Variants in TAF5L observed in about 807,000 individuals in gnomAD.
TAF5L encodes TAF5-like RNA polymerase II p300/CBP-associated factor-associated factor 65 kDa subunit 5L.
Under a neutral mutation model 51.3 loss-of-function variants are expected in TAF5L, and 7 were observed. The observed-to-expected ratio is 0.14, with a 90% CI of 0.08 to 0.26. TAF5L has a LOEUF of 0.26. Among genes scored for constraint, TAF5L ranks in the 10% least tolerant of loss-of-function variants. The pLI is 1.00. For synonymous variants in TAF5L, 291 were observed against 308.1 expected (o/e 0.94, Z 0.58); for missense variants, 575 against 758.9 (o/e 0.76, Z 2.85).
chr1:229,602,119 A>C lies in TAF5L; in HGVS notation c.972+76T>G. 1.3e-6 allele frequency: 2 copies of C among 1,548,464 alleles called. No individual in the cohort carries two copies. The highest frequency in any genetic ancestry group is 1.3e-5 in the South Asian group (1 of 78,272). On this transcript the variant is annotated intron_variant, in intron 4 of 4. Coordinates refer to ENST00000258281, the Ensembl canonical transcript of TAF5L. The surrounding 1 kb of genome is among the most constrained non-coding windows in gnomAD (Gnocchi z 4.6). ...GGGAAACTAGGAAGTCCATTCTAAG[A>C]TATGTCGTGTTTGGTAAGGACATTC...
rs115138807 is a variant in TAF5L at position 229,619,751 on chromosome 1, G to C, written c.-3-5266C>G. On this transcript the variant is annotated intron_variant, in intron 1 of 4. Coordinates refer to ENST00000258281, the Ensembl canonical transcript of TAF5L. ...GTCACTTTCCAGCACCACCCTTCAC[G>C]ATCTCTCAGCTGGATGTGATGCTGC... Among the ~76,000 whole-genome samples, 1,431 of 152,106 alleles carry C rather than the reference G, an allele frequency of 9.4e-3. 8 individuals carry two copies. The highest frequency in any genetic ancestry group is 0.014 in the Non-Finnish European group (935 of 67,996).
Position 229,606,168 on chromosome 1 carries a change from C to T in TAF5L, c.248-3249G>A, listed in dbSNP as rs79060902. On this transcript the variant is annotated intron_variant, in intron 3 of 4. Coordinates refer to ENST00000258281, the Ensembl canonical transcript of TAF5L. ...ATAGGTTCAAAATTGCTTAATTGCT[C>T]TCTCTTGTCTGAAGAGAACAGTATG... 1.6e-3 allele frequency: 1,599 copies of T among 985,402 alleles called. 17 individuals are homozygous for T. In the African/African-American group the frequency reaches 0.026, roughly 16 times the overall value. The allele number at this position is 985,402 out of a possible 1,614,324, so 61.0% of individuals were successfully genotyped here.
In TAF5L at chr1:229,600,574, C is replaced by T. The variant is rs1664334430; in HGVS notation, c.972+1621G>A. On this transcript the variant is annotated intron_variant, in intron 4 of 4. Transcript: ENST00000258281. ...ATCCATGTCTCCTTTGCCACTGCCA[C>T]TACCCTAGTTTGGCCGCCATAATTG... 3 of 985,396 alleles carry T rather than the reference C, an allele frequency of 3.0e-6. No individual in the cohort carries two copies. In the African/African-American group the frequency reaches 5.2e-5, roughly 17 times the overall value. The allele number at this position is 985,396 out of a possible 1,614,324, so 61.0% of individuals were successfully genotyped here.
intron 1 of TAF5L, among the ~76,000 whole-genome samples, chr1:229,624,187 G>A (rs1174999126): frequency 6.6e-6 from 1 of 152,210 alleles, no homozygotes; most frequent in Non-Finnish European, 1.5e-5. Context: ...GAGTAGTTAA[G>A]TGAGGCCTTT....
At position 229,614,538 on chromosome 1, in the gene TAF5L, A is replaced by C. The variant is rs143211810; in HGVS notation, c.-3-53T>G. 8.1e-5 allele frequency: 129 copies of C among 1,598,724 alleles called. No homozygotes were observed. In the African/African-American group the frequency reaches 1.4e-3, roughly 18 times the overall value. Reference sequence around the variant, plus strand: ...GAGACATCAGGGGCCTGGGAGAGCAACCTATCTAACTGCACCATCGCAGAT... The same window carrying C: ...GAGACATCAGGGGCCTGGGAGAGCACCCTATCTAACTGCACCATCGCAGAT... On this transcript the variant is annotated intron_variant, in intron 1 of 4. Transcript: ENST00000258281.
rs1022378388 is a variant in TAF5L at position 229,625,207 on chromosome 1, A to G, written c.-4+678T>C. Among the ~76,000 whole-genome samples, 1 of 152,150 alleles carries G rather than the reference A, an allele frequency of 6.6e-6. No individual in the cohort carries two copies. Among genetic ancestry groups the G allele is most frequent in the Non-Finnish European group, 1.5e-5 (1 of 68,018 alleles). On this transcript the variant is annotated intron_variant, in intron 1 of 4. Transcript: ENST00000258281. This position sits in a 1 kb window ranked among gnomAD's most constrained non-coding sequence, Gnocchi z 4.0. ...CTAACCATCCACTCACTTCGGACCA[A>G]CGCCTTATCGAATACATTTTCAAAA...
In TAF5L at chr1:229,595,671, A is replaced by AT. The variant is rs755935720; in HGVS notation, c.973-578dup. On this transcript the variant is annotated intron_variant, in intron 4 of 4. Transcript: ENST00000258281. ...AAGGCAGATGTGGTATCACTTCAAG[A>AT]TTTTTTTTTTTCAGATGGAGTTTCG... is the stretch of plus-strand genomic sequence containing the variant. Among the ~76,000 whole-genome samples, 473 of 148,746 alleles carry AT rather than the reference A, an allele frequency of 3.2e-3. 2 individuals carry two copies. The highest frequency in any genetic ancestry group is 4.4e-3 in the Non-Finnish European group (296 of 66,934).
intron 4 of TAF5L, chr1:229,601,263 A>C: frequency 1.0e-6 from 1 of 985,432 alleles, no homozygotes; most frequent in African/African-American, 1.7e-5. Flanking sequence ...CATCCTTATC[A>C]TTAACTGTAA....
intron 3 of TAF5L, chr1:229,605,981 T>A (rs749384988): frequency 3.0e-6 from 1 of 329,212 alleles, no homozygotes; most frequent in Non-Finnish European, 4.3e-6. Flanking sequence ...TTGTTTTTTA[T>A]TGGGATGAAG....
chr1:229,614,608 G>T (rs1358306277), intron 1 of TAF5L, 123 bp from the exon 2 acceptor site: 10 of 1,261,702 alleles, frequency 7.9e-6, no homozygotes, highest in African/African-American at 1.5e-5. Flanking sequence ...TGGCTAAGTG[G>T]CCTAGTTAAG....
At chr1:229,600,063 C>G in intron 4 of TAF5L, 1 of 976,368 alleles carries the variant, frequency 1.0e-6, no homozygotes, top group South Asian at 4.7e-5. Flanking sequence ...TTTTAATATT[C>G]AATATTTCAT....
intron 3 of TAF5L, 124 bp downstream of exon 3, chr1:229,609,982 A>G: frequency 1.4e-6 from 1 of 734,632 alleles, no homozygotes; most frequent in Non-Finnish European, 2.2e-6. Flanking sequence ...GCATTACTCT[A>G]TTTTTTAATT....
At chr1:229,601,252 A>T in intron 4 of TAF5L, 1 of 985,378 alleles carries the variant, frequency 1.0e-6, no homozygotes, top group Non-Finnish European at 1.2e-6. Flanking sequence ...AATATTCTTG[A>T]CATCCTTATC....
rs1665438006 is a variant in TAF5L, at chr1:229,625,816, C to T, written c.-4+69G>A. On this transcript the variant is annotated intron_variant, in intron 1 of 4. Transcript: ENST00000258281. The surrounding 1 kb of genome is among the most constrained non-coding windows in gnomAD (Gnocchi z 4.0). ...CGCCGAGGCCCCACCGCCCCGGCCC[C>T]CGCCCGCCCGCGCGCGCGCGCGCCT... 7.2e-6 allele frequency: 1 copy of T among 139,254 alleles called. No individual in the cohort carries two copies. Among genetic ancestry groups the T allele is most frequent in the African/African-American group, 2.6e-5 (1 of 38,720 alleles). 8.6% of individuals were successfully genotyped at this position (139,254 alleles called of 1,614,324 possible).
chr1:229,613,151 C>T (rs555297307), intron 2 of TAF5L, among the ~76,000 whole-genome samples: 10 of 143,784 alleles, frequency 7.0e-5, no homozygotes, highest in African/African-American at 2.6e-4. Flanking sequence ...GACCCCACCT[C>T]TAACAAGAAT....
chr1:229,623,317 C>T (rs1406463218), intron 1 of TAF5L, among the ~76,000 whole-genome samples: 1 of 152,208 alleles, frequency 6.6e-6, no homozygotes, highest in Non-Finnish European at 1.5e-5. Flanking sequence ...CTACTGCCTC[C>T]ACTAGTGTGA....
At chr1:229,593,711 C>A (rs1003759113) in exon 5 of TAF5L, 2 of 151,836 alleles carry the variant, frequency 1.3e-5, no homozygotes, top group Non-Finnish European at 2.9e-5. Flanking sequence ...GAGAAGGTGC[C>A]CTCTGCCAGT....
At chr1:229,623,447 C>T (rs900588370) in intron 1 of TAF5L, among the ~76,000 whole-genome samples, 1 of 152,212 alleles carries the variant, frequency 6.6e-6, no homozygotes, top group Non-Finnish European at 1.5e-5. Context: ...TCCACCTTCT[C>T]CCCTCAGGGG....
Position 229,624,329 on chromosome 1 carries a change from T to A in TAF5L, c.-4+1556A>T, listed in dbSNP as rs554303967. ...AAAATACTCAAAACAAGCCCACCTTTTAATTTTCTAGCTTAGCGCTGATTT... is the reference window on the plus strand; with the variant it reads ...AAAATACTCAAAACAAGCCCACCTTATAATTTTCTAGCTTAGCGCTGATTT... On this transcript the variant is annotated intron_variant, in intron 1 of 4. Coordinates refer to ENST00000258281, the Ensembl canonical transcript of TAF5L. 3.3e-5 allele frequency among the ~76,000 whole-genome samples: 5 copies of A among 152,330 alleles called. No individual in the cohort carries two copies. In the East Asian group the frequency reaches 9.6e-4, roughly 29 times the overall value.
Sources: allele counts gnomAD v4.1 joint callset (sites outside exome capture counted in the v4.1 genomes callset), GRCh38; gene constraint gnomAD v4.1.1; non-coding constraint Gnocchi (gnomAD v3.1); transcripts MANE v1.5; gene names NCBI Gene and HGNC (gene_info 2026-07-23, HGNC 2026-07-21).